Variants in ARHGAP35 observed in about 807,000 individuals in gnomAD.
The protein encoded by ARHGAP35 is Rho GTPase activating protein 35.
A neutral mutation model predicts 111.1 loss-of-function variants in ARHGAP35; 15 were observed. The observed-to-expected ratio is 0.13, with a 90% CI of 0.09 to 0.21. The LOEUF (loss-of-function observed/expected upper bound fraction) is 0.21. ARHGAP35 is among the 10% of genes least tolerant of loss of function. The pLI, the probability that ARHGAP35 is intolerant of heterozygous loss-of-function variation, is 1.00. For synonymous variants in ARHGAP35, 643 were observed against 710.3 expected, an observed-to-expected ratio of 0.91 and a Z score of 1.51; for missense variants, 1,262 against 1,873.0, an observed-to-expected ratio of 0.67 and a Z score of 6.02.
At position 46,993,525 on chromosome 19, in the gene ARHGAP35, G is replaced by A. The variant is rs1183448492; in HGVS notation, c.4036+3850G>A. Among the ~76,000 whole-genome samples, 2 of 152,244 alleles carry A rather than the reference G, an allele frequency of 1.3e-5. No individual in the cohort carries two copies. Among genetic ancestry groups the A allele is most frequent in the South Asian group, 2.1e-4 (1 of 4,834 alleles). ...GTATTCTGGCTTTGTGAGGCCTGGT[G>A]TGTCTGTTTTGTAAGAGGTATGGGA... On this transcript the variant is annotated intron_variant, in intron 5 of 6. Coordinates refer to ENST00000672722, the MANE Select transcript of ARHGAP35 (RefSeq NM_004491.5). This position sits in a 1 kb window ranked among gnomAD's most constrained non-coding sequence, Gnocchi z 4.6.
At chr19:46,928,874 G>T (rs1198242406) in intron 2 of ARHGAP35, among the ~76,000 whole-genome samples, 1 of 152,034 alleles carries the variant, frequency 6.6e-6, no homozygotes, top group Non-Finnish European at 1.5e-5. Flanking sequence ...AGATATTGCA[G>T]TGAGCCAGGA....
chr19:46,938,110 G>A (rs780290709), intron 3 of ARHGAP35, among the ~76,000 whole-genome samples: 2 of 152,104 alleles, frequency 1.3e-5, no homozygotes, highest in African/African-American at 2.4e-5. Context: ...TTGAGCATTC[G>A]GAGTTGGGCT....
chr19:46,869,476 TTGTGTGTGTG>T (rs36048282), intron 1 of ARHGAP35, among the ~76,000 whole-genome samples: 2,821 of 144,300 alleles, frequency 0.02, 100 homozygotes, highest in African/African-American at 0.066. Context: ...AGAAAAAAAA[TTGTGTGTGTG>T]TGTGTGTGTG....
rs148407858 is a variant in ARHGAP35, at chr19:46,934,437, G to A, written c.3682-2827G>A. ...GGCTGGAGTGCAATGGCACAATCTC[G>A]GCTCACTGCAACCTCTACCTCCTGG... On this transcript the variant is annotated intron_variant, in intron 2 of 6. Coordinates refer to ENST00000672722, the MANE Select transcript of ARHGAP35 (RefSeq NM_004491.5). 1.3e-3 allele frequency among the ~76,000 whole-genome samples: 192 copies of A among 150,842 alleles called. 1 individual carries two copies. The highest frequency in any genetic ancestry group is 4.5e-3 in the African/African-American group (183 of 41,018).
chr19:46,884,405 T>G (rs1265247927), intron 1 of ARHGAP35, among the ~76,000 whole-genome samples: 1 of 152,102 alleles, frequency 6.6e-6, no homozygotes, highest in East Asian at 1.9e-4. Context: ...ATTCTCATTT[T>G]AAACATAAAC....
In ARHGAP35 at chr19:46,919,856, T is replaced by C. The variant is rs368594699; in HGVS notation, c.1181T>C (p.Ile394Thr). ...EETPWDATSH[I>T]DNMENERIPF... Reference sequence around the variant, plus strand: ...ACCCCATGGGATGCCACCAGTCACATTGACAACATGGAAAACGAACGGATT... The same window carrying C: ...ACCCCATGGGATGCCACCAGTCACACTGACAACATGGAAAACGAACGGATT... Residue 394 changes from isoleucine to threonine, a missense_variant, in exon 2 of 7, where the codon ATT (isoleucine) becomes ACT (threonine). Ile to Thr is a moderately conservative substitution (Grantham distance 89). Around this residue, in one of 8 missense-constraint regions of ARHGAP35, gnomAD observed 328 missense variants for 440.8 expected, o/e 0.74. Coordinates refer to ENST00000672722, the MANE Select transcript of ARHGAP35 (RefSeq NM_004491.5). This position sits in a 1 kb window ranked among gnomAD's most constrained non-coding sequence, Gnocchi z 6.2. 1 of 1,614,048 alleles carries C rather than the reference T, an allele frequency of 6.2e-7. No individual in the cohort carries two copies. Among genetic ancestry groups the C allele is most frequent in the Non-Finnish European group, 8.5e-7 (1 of 1,179,896 alleles).
chr19:46,913,410 T>G (rs1031695561), intron 1 of ARHGAP35, among the ~76,000 whole-genome samples: 6 of 151,936 alleles, frequency 3.9e-5, no homozygotes, highest in African/African-American at 1.2e-4. Context: ...GTGTGCTATC[T>G]TGGGAATGTT....
In ARHGAP35 at chr19:46,979,002, C is replaced by CGT. The variant is rs368983726; in HGVS notation, c.3827-8973_3827-8972dup. Among the ~76,000 whole-genome samples the CGT allele has an allele frequency of 6.5e-4, 26 of 40,058 alleles. 1 individual carries two copies. The South Asian group carries it at 7.6e-3, about 12-fold the overall frequency. 26.3% of individuals were successfully genotyped at this position (40,058 alleles called of 152,430 possible). On this transcript the variant is annotated intron_variant, in intron 3 of 6. Coordinates refer to ENST00000672722, the MANE Select transcript of ARHGAP35 (RefSeq NM_004491.5). Reference sequence around the variant, plus strand: ...GTGTGGTGGGGCTTGTGTGGTGGGACGTGTGTGTGTGTGTGGTGGGGCAGG... The same window carrying CGT: ...GTGTGGTGGGGCTTGTGTGGTGGGACGTGTGTGTGTGTGTGTGGTGGGGCAGG...
intron 3 of ARHGAP35, among the ~76,000 whole-genome samples, chr19:46,972,547 G>A (rs910683981): frequency 2.0e-5 from 3 of 152,206 alleles, no homozygotes; most frequent in African/African-American, 7.2e-5. Flanking sequence ...CGAAAGCAGT[G>A]TCTGCGGGCA....
chr19:46,884,725 AATTCCCCCGCG>A, intron 1 of ARHGAP35, among the ~76,000 whole-genome samples: 1 of 151,612 alleles, frequency 6.6e-6, no homozygotes, highest in East Asian at 1.9e-4. Flanking sequence ...GGGCTCAAGC[AATTCCCCCGCG>A]TAGGCCTCCC....
At chr19:46,952,508 C>T (rs891857089) in intron 3 of ARHGAP35, among the ~76,000 whole-genome samples, 3 of 152,208 alleles carry the variant, frequency 2.0e-5, no homozygotes, top group African/African-American at 7.2e-5. Context: ...AGTATTTCCA[C>T]GTGCTTAACA....
chr19:46,872,705 T>C (rs2059200), intron 1 of ARHGAP35, among the ~76,000 whole-genome samples: 95,637 of 151,520 alleles, frequency 0.63, 30,837 homozygotes, highest in Middle Eastern at 0.8. Flanking sequence ...ACGGTGAAAC[T>C]CCGTCTCTAC....
Position 46,945,583 on chromosome 19 carries a change from CAGCATAGGAACCCCCTGA to C in ARHGAP35, c.3826+8176_3826+8193del, listed in dbSNP as rs1420104070. On this transcript the variant is annotated intron_variant, in intron 3 of 6. Coordinates refer to ENST00000672722, the MANE Select transcript of ARHGAP35 (RefSeq NM_004491.5). This position sits in a 1 kb window ranked among gnomAD's most constrained non-coding sequence, Gnocchi z 4.1. ...CCTTCCTAGGATTCAAGAAATCTGA[CAGCATAGGAACCCCCTGA>C]GGCAGCTTCCAAGTGTCGTCACACC... 2.0e-5 allele frequency among the ~76,000 whole-genome samples: 3 copies of C among 152,044 alleles called. No individual in the cohort carries two copies. The highest frequency in any genetic ancestry group is 4.4e-5 in the Non-Finnish European group (3 of 67,988).
chr19:46,964,341 C>T (rs2056501210), intron 3 of ARHGAP35, among the ~76,000 whole-genome samples: 1 of 151,790 alleles, frequency 6.6e-6, no homozygotes, highest in South Asian at 2.1e-4. Flanking sequence ...GATCATGGCT[C>T]ACTGCAGCCT....
chr19:46,917,472 G>A (rs1191461735), intron 1 of ARHGAP35, among the ~76,000 whole-genome samples: 1 of 152,082 alleles, frequency 6.6e-6, no homozygotes, highest in Non-Finnish European at 1.5e-5. Flanking sequence ...GCTGGGCACG[G>A]TGGCGCATGC....
intron 3 of ARHGAP35, among the ~76,000 whole-genome samples, chr19:46,973,509 G>C (rs191651642): frequency 6.6e-6 from 1 of 151,982 alleles, no homozygotes; most frequent in East Asian, 1.9e-4. Flanking sequence ...CTAACACAGT[G>C]AAACCCCCTC....
At position 46,929,627 on chromosome 19, in the gene ARHGAP35, A is replaced by G. The variant is rs1272405149; in HGVS notation, c.3681+7271A>G. On this transcript the variant is annotated intron_variant, in intron 2 of 6. Transcript: ENST00000672722. ...TTTTTTTTTTTTTTTTACATAAAAC[A>G]TTAACGCCGGGCACAGTGGCTCACA... 2.2e-5 allele frequency among the ~76,000 whole-genome samples: 3 copies of G among 134,908 alleles called. No individual in the cohort carries two copies. In the Admixed American group the frequency reaches 2.4e-4, roughly 11 times the overall value. 88.5% of individuals were successfully genotyped at this position (134,908 alleles called of 152,430 possible). A position where few individuals can be genotyped will look rare whatever the true frequency, so the allele number is the denominator to read the frequency against.
chr19:47,000,811 C>T lies in ARHGAP35; in HGVS notation c.*123C>T. ...GGCAAGTGGCTCTCCCCATTACCTT[C>T]TCAAGACCTCAGTGGGAGCACCAGC... On this transcript the variant is annotated 3_prime_UTR_variant, in exon 7 of 7. Transcript: ENST00000672722. This position sits in a 1 kb window ranked among gnomAD's most constrained non-coding sequence, Gnocchi z 6.9. The T allele has an allele frequency of 6.5e-7, 1 of 1,543,244 alleles. No individual in the cohort carries two copies. Among genetic ancestry groups the T allele is most frequent in the East Asian group, 2.4e-5 (1 of 40,908 alleles).
chr19:46,874,244 G>A (rs890326459), intron 1 of ARHGAP35, among the ~76,000 whole-genome samples: 7 of 152,124 alleles, frequency 4.6e-5, no homozygotes, highest in Non-Finnish European at 8.8e-5. Flanking sequence ...TCCTCTCTGG[G>A]AGAATTTTTA....
Sources: allele counts gnomAD v4.1 joint callset (sites outside exome capture counted in the v4.1 genomes callset), GRCh38; gene constraint gnomAD v4.1.1; regional missense constraint gnomAD v4.1.1; non-coding constraint Gnocchi (gnomAD v3.1); transcripts MANE v1.5; gene names NCBI Gene and HGNC (gene_info 2026-07-23, HGNC 2026-07-21).